Variants in CCDC73 observed in about 807,000 individuals in gnomAD.
The protein encoded by CCDC73 is coiled-coil domain containing 73, also known as coiled-coil domain-containing protein 73.
A neutral mutation model predicts 116.5 loss-of-function variants in CCDC73; 95 were observed. The ratio of observed to expected loss-of-function variants is 0.82; its 90% CI spans 0.69 to 0.97. The LOEUF (loss-of-function observed/expected upper bound fraction) is 0.97, where lower values mean the gene tolerates loss of function less well. Ranked by LOEUF, CCDC73 falls within the 50% of genes least tolerant of loss-of-function variation. The probability of loss-of-function intolerance (pLI) is 0.00; values close to 1 mark genes in which losing one functional copy is unlikely to be tolerated. For synonymous variants in CCDC73, 398 were observed against 401.3 expected, an observed-to-expected ratio of 0.99 and a Z score of 0.10; for missense variants, 1,066 against 1,206.8, an observed-to-expected ratio of 0.88 and a Z score of 1.73.
At chr11:32,653,066 G>T in intron 12 of CCDC73, 57 bp downstream of exon 12, 1 of 1,039,732 alleles carries the variant, frequency 9.6e-7, no homozygotes, top group Non-Finnish European at 1.5e-6. Flanking sequence ...AAGTTAATTA[G>T]TGAAAATATA....
intron 7 of CCDC73, 149 bp from the exon 8 acceptor site, chr11:32,676,170 G>T: frequency 1.9e-6 from 1 of 522,106 alleles, no homozygotes; most frequent in Non-Finnish European, 3.0e-6. Context: ...TGAGTAAACT[G>T]TAAGGAGGAA....
chr11:32,770,386 C>G (rs1195592143), intron 1 of CCDC73, among the ~76,000 whole-genome samples: 2 of 152,018 alleles, frequency 1.3e-5, no homozygotes, highest in African/African-American at 4.8e-5. Flanking sequence ...GAAATTGATT[C>G]CAATTCTAGA....
intron 7 of CCDC73, among the ~76,000 whole-genome samples, chr11:32,678,718 A>C (rs538894205): frequency 6.6e-6 from 1 of 152,014 alleles, no homozygotes; most frequent in South Asian, 2.1e-4. Flanking sequence ...ACCTGTCTCT[A>C]CTAAAAATAC....
intron 1 of CCDC73, among the ~76,000 whole-genome samples, chr11:32,787,193 T>C (rs951996384): frequency 1.3e-5 from 2 of 152,184 alleles, no homozygotes; most frequent in Non-Finnish European, 2.9e-5. Context: ...TATATGGCCA[T>C]ACAGTGTGGT....
intron 3 of CCDC73, among the ~76,000 whole-genome samples, chr11:32,713,793 G>A (rs1002445267): frequency 6.6e-6 from 1 of 151,998 alleles, no homozygotes. Context: ...AGCATTGGTG[G>A]TGAAATTTTA....
the CCDC73 span, among the ~76,000 whole-genome samples, chr11:32,810,102 A>C: frequency 1.9e-4 from 29 of 152,340 alleles, no homozygotes; most frequent in Non-Finnish European, 1.9e-4. Context: ...TTTAATGTAA[A>C]ATACAGTTCC....
chr11:32,733,988 T>G (rs1035014669), intron 2 of CCDC73, among the ~76,000 whole-genome samples: 1 of 152,066 alleles, frequency 6.6e-6, no homozygotes, highest in East Asian at 1.9e-4. Flanking sequence ...CAGGAGCTGG[T>G]TTTTTGAAAA....
intron 13 of CCDC73, among the ~76,000 whole-genome samples, chr11:32,637,163 G>A (rs931610449): frequency 1.3e-5 from 2 of 151,622 alleles, no homozygotes; most frequent in African/African-American, 4.8e-5. Context: ...GGGCTTACAG[G>A]CTTGCACCAC....
chr11:32,602,964 C>T lies in CCDC73; in HGVS notation c.3087G>A (p.Lys1029=), dbSNP rs1855294787. The change falls in exon 18 of 18, where the codon AAG becomes AAA. Residue 1029 remains lysine, a synonymous_variant. Coordinates refer to ENST00000335185, the MANE Select transcript of CCDC73 (RefSeq NM_001008391.4). ...TPLQSHLQAI[K]TTKNTSGDDD... The stretch of plus-strand genomic sequence containing the variant: ...CATCACCAGAAGTATTTTTAGTCGT[C>T]TTGATTGCCTGCAAATGGCTTTGTA... 1 of 1,613,420 alleles carries T rather than the reference C, an allele frequency of 6.2e-7. No homozygotes were observed.
In CCDC73 at chr11:32,783,764, G is replaced by A. The variant is rs918532237; in HGVS notation, c.-16+10849C>T. ...ACCACACTGGGGATTAGGTTTCAAC[G>A]TATGAATTTGGGGGAGACACAAATA... On this transcript the variant is annotated intron_variant, in intron 1 of 17. Coordinates refer to ENST00000335185, the MANE Select transcript of CCDC73 (RefSeq NM_001008391.4). Among the ~76,000 whole-genome samples, 7 of 152,032 alleles carry A rather than the reference G, an allele frequency of 4.6e-5. No homozygotes were observed. In the East Asian group the frequency reaches 1.2e-3, roughly 25 times the overall value.
chr11:32,748,774 T>C (rs890996386), intron 2 of CCDC73, among the ~76,000 whole-genome samples: 3 of 152,212 alleles, frequency 2.0e-5, no homozygotes, highest in African/African-American at 7.2e-5. Flanking sequence ...TTTATTTATC[T>C]GGGTAAGTCT....
At chr11:32,813,124 T>C in the CCDC73 span, among the ~76,000 whole-genome samples, 1 of 152,220 alleles carries the variant, frequency 6.6e-6, no homozygotes, top group Non-Finnish European at 1.5e-5. Context: ...ATTTTCTGTT[T>C]TGAAATTATT....
chr11:32,624,844 T>C (rs535419286), intron 14 of CCDC73, among the ~76,000 whole-genome samples: 5 of 152,316 alleles, frequency 3.3e-5, no homozygotes, highest in Admixed American at 1.3e-4. Flanking sequence ...TGGAATACTA[T>C]GCAGCCATTA....
chr11:32,624,018 C>G (rs1855546223), intron 14 of CCDC73, among the ~76,000 whole-genome samples: 3 of 152,104 alleles, frequency 2.0e-5, no homozygotes, highest in Non-Finnish European at 4.4e-5. Context: ...TTCCGGAAAG[C>G]AATCTGACAA....
At chr11:32,705,105 T>C (rs577680087) in intron 3 of CCDC73, among the ~76,000 whole-genome samples, 1 of 152,328 alleles carries the variant, frequency 6.6e-6, no homozygotes, top group East Asian at 1.9e-4. Context: ...CTGCCAGTGC[T>C]GGGTGGCCGC....
chr11:32,759,755 TATA>T (rs1434019688), intron 2 of CCDC73, among the ~76,000 whole-genome samples: 2 of 152,236 alleles, frequency 1.3e-5, no homozygotes, highest in South Asian at 4.1e-4. Context: ...TAGGCATCTA[TATA>T]ATAACCTTAA....
At chr11:32,739,781 T>G (rs964016640) in intron 2 of CCDC73, among the ~76,000 whole-genome samples, 4 of 152,146 alleles carry the variant, frequency 2.6e-5, no homozygotes, top group African/African-American at 9.7e-5. Context: ...AGGAAAAGGT[T>G]TCAGTTTCTT....
In CCDC73 at chr11:32,706,527, G is replaced by A. The variant is rs150392084; in HGVS notation, c.208-3583C>T. 3.2e-4 allele frequency among the ~76,000 whole-genome samples: 49 copies of A among 152,300 alleles called. No homozygotes were observed. The East Asian group carries it at 9.1e-3, about 28-fold the overall frequency. ...ACGTATAAGTACTTATACGCAGAAA[G>A]TACATTAGAAAAATAATTGTCATGG... is the stretch of plus-strand genomic sequence containing the variant. On this transcript the variant is annotated intron_variant, in intron 3 of 17. Transcript: ENST00000335185.
chr11:32,655,064 C>T (rs1024677854), intron 9 of CCDC73, 92 bp from the exon 10 acceptor site: 34 of 295,906 alleles, frequency 1.1e-4, no homozygotes, highest in Non-Finnish European at 1.7e-4. Context: ...CATCCTTAAG[C>T]CTATAATTAT....
Sources: allele counts gnomAD v4.1 joint callset (sites outside exome capture counted in the v4.1 genomes callset), GRCh38; gene constraint gnomAD v4.1.1; transcripts MANE v1.5; gene names NCBI Gene and HGNC (gene_info 2026-07-23, HGNC 2026-07-21).